HMGA1: variants seen among roughly 807,000 people sequenced by gnomAD.
HMGA1 encodes high mobility group AT-hook 1, also known as high mobility group protein HMG-I/HMG-Y.
A neutral mutation model predicts 15.1 loss-of-function variants in HMGA1; 1 was observed. The ratio of observed to expected loss-of-function variants is 0.07; its 90% CI spans 0.02 to 0.31. HMGA1 has a LOEUF of 0.31. Ranked by LOEUF, HMGA1 falls within the 10% of genes least tolerant of loss-of-function variation. The pLI is 1.00. For missense variants in HMGA1, 94 were observed against 141.4 expected (o/e 0.66, Z 1.70); for synonymous variants, 56 against 54.8 (o/e 1.02, Z -0.10).
At chr6:34,243,341 G>A in intron 4 of HMGA1, 127 bp from the exon 5 acceptor site, 6 of 757,570 alleles carry the variant, frequency 7.9e-6, no homozygotes, top group Non-Finnish European at 1.4e-5. Context: ...GACTTGGGTG[G>A]GCCTGTTGGG....
chr6:34,239,972 C>T (rs1211953514), intron 2 of HMGA1, among the ~76,000 whole-genome samples: 1 of 152,108 alleles, frequency 6.6e-6, no homozygotes, highest in Non-Finnish European at 1.5e-5. Flanking sequence ...TGACAAAGTC[C>T]CATCTGACTC....
Position 34,240,875 on chromosome 6 carries a change from A to G in HMGA1, c.95A>G (p.Gln32Arg). 1 of 1,613,726 alleles carries G rather than the reference A, an allele frequency of 6.2e-7. No homozygotes were observed. Among genetic ancestry groups the G allele is most frequent in the Non-Finnish European group, 8.5e-7 (1 of 1,179,824 alleles). ...EKRGRGRPRKQPPVSPGTALV... is the reference protein window; with the variant it reads ...EKRGRGRPRKRPPVSPGTALV... ...CGGGGCCGGGGCAGGCCGCGCAAGC[A>G]GCCTCCGGTGAGTCCCGGGACAGCG... Residue 32 changes from glutamine (Q) to arginine (R), a missense_variant, in exon 3 of 6, where the codon CAG becomes CGG. Coordinates refer to ENST00000311487, the MANE Select transcript of HMGA1 (RefSeq NM_145899.3).
intron 2 of HMGA1, 96 bp from the exon 3 acceptor site, chr6:34,240,641 C>A: frequency 1.0e-6 from 1 of 1,004,054 alleles, no homozygotes. Flanking sequence ...CATGGGAGCA[C>A]AGTTTTCTGC....
At position 34,245,657 on chromosome 6, in the gene HMGA1, C is replaced by T. The variant is rs115929552; in HGVS notation, c.*773C>T. 1,680 of 1,330,756 alleles carry T rather than the reference C, an allele frequency of 1.3e-3. 2 individuals are homozygous for T. Among genetic ancestry groups the T allele is most frequent in the Non-Finnish European group, 1.5e-3 (1,494 of 994,946 alleles). 82.4% of individuals were successfully genotyped at this position (1,330,756 alleles called of 1,614,324 possible). ...TATTGTCCAGGTGAGGCCCAAGAGC[C>T]CTGTGGCCGCCACCTGAGGTGGGCT... is the stretch of plus-strand genomic sequence containing the variant. On this transcript the variant is annotated 3_prime_UTR_variant, in exon 6 of 6. Transcript: ENST00000311487.
rs2127548048 is a variant in HMGA1 at position 34,244,914 on chromosome 6, G to A, written c.*30G>A. The stretch of plus-strand genomic sequence containing the variant: ...TGCGTGCCGCCTGCTCCTCACTGGA[G>A]GAGCAGCTTCCTTCTGGGACTGGAC... On this transcript the variant is annotated 3_prime_UTR_variant, in exon 6 of 6. Coordinates refer to ENST00000311487, the MANE Select transcript of HMGA1 (RefSeq NM_145899.3). 1.3e-6 allele frequency: 2 copies of A among 1,551,228 alleles called. No individual in the cohort carries two copies. Among genetic ancestry groups the A allele is most frequent in the African/African-American group, 2.7e-5 (2 of 73,260 alleles).
intron 2 of HMGA1, 76 bp from the exon 3 acceptor site, chr6:34,240,661 T>C (rs752595271): frequency 1.7e-6 from 2 of 1,181,044 alleles, no homozygotes; most frequent in Admixed American, 3.7e-5. Flanking sequence ...CAGTGTGCCT[T>C]GAAGGTGTGG....
intron 2 of HMGA1, among the ~76,000 whole-genome samples, 152 bp downstream of exon 2, chr6:34,237,469 AGGGCCGCGCGGCGCGGGGGC>A (rs1265575799): frequency 1.4e-5 from 2 of 142,218 alleles, no homozygotes; most frequent in East Asian, 2.1e-4. Flanking sequence ...GCGGCGGGGG[AGGGCCGCGCGGCGCGGGGGC>A]GGGCGGCGGG....
intron 2 of HMGA1, 156 bp from the exon 3 acceptor site, chr6:34,240,580 TG>T: frequency 3.2e-6 from 2 of 628,690 alleles, no homozygotes; most frequent in Non-Finnish European, 2.8e-6. Context: ...TGGCAGCATC[TG>T]GGGGTGGGCA....
chr6:34,242,631 T>C (rs1762395343), intron 3 of HMGA1, 81 bp from the exon 4 acceptor site: 1 of 947,418 alleles, frequency 1.1e-6, no homozygotes, highest in Non-Finnish European at 1.7e-6. Context: ...CTTAACCTTG[T>C]TGAGGAGGCA....
At chr6:34,242,379 TAA>T (rs1762379515) in intron 3 of HMGA1, among the ~76,000 whole-genome samples, 1 of 152,174 alleles carries the variant, frequency 6.6e-6, no homozygotes, top group Non-Finnish European at 1.5e-5. Flanking sequence ...GCTCCAGCAT[TAA>T]GTGTCCCACC....
At position 34,245,032 on chromosome 6, in the gene HMGA1, C is replaced by T. The variant is rs1383864381; in HGVS notation, c.*148C>T. On this transcript the variant is annotated 3_prime_UTR_variant, in exon 6 of 6. Coordinates refer to ENST00000311487, the MANE Select transcript of HMGA1 (RefSeq NM_145899.3). ...CACCCCCATCTTCCACCTGTGCCCT[C>T]ACCACCACACTACACAGCACACCAG... The T allele has an allele frequency of 6.5e-7, 1 of 1,540,994 alleles. No homozygotes were observed. Among genetic ancestry groups the T allele is most frequent in the Non-Finnish European group, 8.8e-7 (1 of 1,142,816 alleles).
intron 1 of HMGA1, 111 bp from the exon 2 acceptor site, chr6:34,237,093 A>C (rs1366254517): frequency 1.3e-5 from 2 of 151,770 alleles, no homozygotes; most frequent in Admixed American, 1.3e-4. Flanking sequence ...GGGAGGGGGA[A>C]TATTTTTGTC....
rs1253667799 is a variant in HMGA1, at chr6:34,245,045, C to T, written c.*161C>T. The T allele has an allele frequency of 2.0e-6, 3 of 1,535,612 alleles. No individual in the cohort carries two copies. Among genetic ancestry groups the T allele is most frequent in the Non-Finnish European group, 1.8e-6 (2 of 1,140,616 alleles). ...CACCTGTGCCCTCACCACCACACTACACAGCACACCAGCCGCTGCAGGGCT... is the reference window on the plus strand; with the variant it reads ...CACCTGTGCCCTCACCACCACACTATACAGCACACCAGCCGCTGCAGGGCT... On this transcript the variant is annotated 3_prime_UTR_variant, in exon 6 of 6. Coordinates refer to ENST00000311487, the MANE Select transcript of HMGA1 (RefSeq NM_145899.3).
chr6:34,238,976 G>A (rs1320295534), intron 2 of HMGA1: 1 of 152,206 alleles, frequency 6.6e-6, no homozygotes, highest in African/African-American at 2.4e-5. Flanking sequence ...TCGTTTAGTT[G>A]ATTAATTTTG....
At chr6:34,238,942 G>C (rs891578355) in intron 2 of HMGA1, 1 of 152,160 alleles carries the variant, frequency 6.6e-6, no homozygotes, top group East Asian at 1.9e-4. Flanking sequence ...GGGGCCCCAG[G>C]CAGACCTTAT....
chr6:34,240,679 G>T, intron 2 of HMGA1, 58 bp from the exon 3 acceptor site: 3 of 1,349,606 alleles, frequency 2.2e-6, no homozygotes, highest in Non-Finnish European at 2.1e-6. Context: ...TGGGTGATGA[G>T]GGGGTAGAAA....
chr6:34,243,401 C>A, intron 4 of HMGA1, 67 bp from the exon 5 acceptor site: 1 of 1,258,310 alleles, frequency 7.9e-7, no homozygotes, highest in South Asian at 1.2e-5. Flanking sequence ...CCCCCCATCA[C>A]TATTGGGCAT....
In HMGA1 at chr6:34,245,155, T is replaced by C. The variant is rs1326269589; in HGVS notation, c.*271T>C. On this transcript the variant is annotated 3_prime_UTR_variant, in exon 6 of 6. Transcript: ENST00000311487. ...ACCCACGCATACACACATGCCCTCCTGGACAAGGCTAACATCCCACTTAGC... is the reference window on the plus strand; with the variant it reads ...ACCCACGCATACACACATGCCCTCCCGGACAAGGCTAACATCCCACTTAGC... 6.9e-7 allele frequency: 1 copy of C among 1,441,944 alleles called. No individual in the cohort carries two copies. Among genetic ancestry groups the C allele is most frequent in the South Asian group, 1.2e-5 (1 of 82,036 alleles). 89.3% of individuals were successfully genotyped at this position (1,441,944 alleles called of 1,614,324 possible). A position where few individuals can be genotyped will look rare whatever the true frequency, so the allele number is the denominator to read the frequency against.
Position 34,241,086 on chromosome 6 carries a change from G to A in HMGA1, c.135+171G>A, listed in dbSNP as rs566358387. On this transcript the variant is annotated intron_variant, in intron 3 of 5. Transcript: ENST00000311487. The stretch of plus-strand genomic sequence containing the variant: ...GTACTCCTGCCCCACTTGCAACCCT[G>A]GTCAGATCTCTATAGAGACCCCAGG... Among the ~76,000 whole-genome samples, 10 of 152,260 alleles carry A rather than the reference G, an allele frequency of 6.6e-5. No homozygotes were observed. The South Asian group carries it at 1.9e-3, about 28-fold the overall frequency.
Sources: allele counts gnomAD v4.1 joint callset (sites outside exome capture counted in the v4.1 genomes callset), GRCh38; gene constraint gnomAD v4.1.1; transcripts MANE v1.5; gene names NCBI Gene and HGNC (gene_info 2026-07-23, HGNC 2026-07-21).